Variants in CSNK1G3 observed in about 807,000 individuals in gnomAD.
CSNK1G3 encodes casein kinase I isoform gamma-3.
A neutral mutation model predicts 64.3 loss-of-function variants in CSNK1G3; 23 were observed. The observed-to-expected ratio is 0.36, with a 90% confidence interval of 0.26 to 0.51. The LOEUF (loss-of-function observed/expected upper bound fraction) is 0.51. CSNK1G3 is among the 20% of genes least tolerant of loss of function. The probability of loss-of-function intolerance (pLI) is 0.96; values close to 1 mark genes in which losing one functional copy is unlikely to be tolerated. For synonymous variants in CSNK1G3, 158 were observed against 162.2 expected (o/e 0.97, Z 0.20); for missense variants, 357 against 510.5 (o/e 0.70, Z 2.90).
At chr5:123,556,936 G>A (rs1784754891) in intron 3 of CSNK1G3, among the ~76,000 whole-genome samples, 1 of 152,058 alleles carries the variant, frequency 6.6e-6, no homozygotes, top group Non-Finnish European at 1.5e-5. Context: ...AAAAAGGTAT[G>A]ATGGAAATGT....
At chr5:123,596,099 G>C (rs1459357048) in intron 10 of CSNK1G3, among the ~76,000 whole-genome samples, 1 of 151,738 alleles carries the variant, frequency 6.6e-6, no homozygotes, top group Admixed American at 6.6e-5. Flanking sequence ...CTTGATTTGA[G>C]TTCTAAAAAT....
Position 123,573,555 on chromosome 5 carries a change from G to A in CSNK1G3, c.438+14G>A, listed in dbSNP as rs1315309434. On this transcript the variant is annotated intron_variant, in intron 5 of 12. Transcript: ENST00000345990. ...GCTATACAACTGGTAAGTAAAATAA[G>A]GTATTTGAAGTTGTTTGAACAATTA... 5 of 1,573,440 alleles carry A rather than the reference G, an allele frequency of 3.2e-6. No homozygotes were observed. Among genetic ancestry groups the A allele is most frequent in the African/African-American group, 1.4e-5 (1 of 72,896 alleles).
intron 12 of CSNK1G3, among the ~76,000 whole-genome samples, chr5:123,613,164 G>T (rs1748749326): frequency 6.6e-6 from 1 of 151,920 alleles, no homozygotes. Flanking sequence ...AGGCATTTAA[G>T]ATAGATGTGT....
chr5:123,615,442 A>G (rs1413239248), exon 13 of CSNK1G3: 2 of 152,558 alleles, frequency 1.3e-5, no homozygotes, highest in African/African-American at 4.8e-5. Flanking sequence ...GGGTCACTCT[A>G]TGCCCTCTGT....
chr5:123,520,416 T>C (rs888739094), intron 1 of CSNK1G3, among the ~76,000 whole-genome samples: 2 of 152,008 alleles, frequency 1.3e-5, no homozygotes, highest in Non-Finnish European at 2.9e-5. Context: ...TTTACTTCTC[T>C]ATATTGTTTG....
intron 6 of CSNK1G3, among the ~76,000 whole-genome samples, chr5:123,580,182 T>C (rs7736607): frequency 0.02 from 3,056 of 152,018 alleles, 110 homozygotes; most frequent in African/African-American, 0.07. Context: ...TGGTGATTAC[T>C]TTTAAAGCCT....
intron 1 of CSNK1G3, among the ~76,000 whole-genome samples, chr5:123,534,408 T>C (rs1466854724): frequency 2.0e-5 from 3 of 152,060 alleles, no homozygotes; most frequent in Non-Finnish European, 4.4e-5. Context: ...AATTGGTGTG[T>C]TGGAGCAGGA....
Position 123,575,609 on chromosome 5 carries a change from G to C in CSNK1G3, c.439-120G>C, listed in dbSNP as rs1789011619. ...GCTGACATCATTTTACTTTTAAAGG[G>C]TTGAAACAATTTCTGATTTATTTCT... On this transcript the variant is annotated intron_variant, in intron 5 of 12. Coordinates refer to ENST00000345990, the Ensembl canonical transcript of CSNK1G3. The C allele has an allele frequency of 6.8e-5, 44 of 650,300 alleles. No individual in the cohort carries two copies. The South Asian group carries it at 8.8e-4, about 13-fold the overall frequency. The allele number at this position is 650,300 out of a possible 1,614,324, so 40.3% of individuals were successfully genotyped here.
intron 1 of CSNK1G3, among the ~76,000 whole-genome samples, chr5:123,542,289 G>A (rs1024149725): frequency 6.6e-6 from 1 of 151,956 alleles, no homozygotes; most frequent in Non-Finnish European, 1.5e-5. Flanking sequence ...AAACAGTGTC[G>A]TTCCATTTAC....
At chr5:123,601,582 A>G (rs185403254) in intron 10 of CSNK1G3, among the ~76,000 whole-genome samples, 112 of 152,212 alleles carry the variant, frequency 7.4e-4, no homozygotes, top group Non-Finnish European at 1.4e-3. Flanking sequence ...TCAGGTATAA[A>G]AAGTCTTCCT....
At chr5:123,586,106 G>A (rs1791275857) in intron 6 of CSNK1G3, among the ~76,000 whole-genome samples, 1 of 152,154 alleles carries the variant, frequency 6.6e-6, no homozygotes, top group Non-Finnish European at 1.5e-5. Flanking sequence ...AAAGTAATGA[G>A]CTATGGTTGC....
exon 6 of CSNK1G3, chr5:123,575,932 A>G: frequency 6.2e-7 from 1 of 1,612,188 alleles, no homozygotes; most frequent in Non-Finnish European, 8.5e-7. Flanking sequence ...GAACAGCTAG[A>G]TATATGAGCA....
At chr5:123,552,318 G>C (rs932010942) in intron 2 of CSNK1G3, among the ~76,000 whole-genome samples, 3 of 151,810 alleles carry the variant, frequency 2.0e-5, no homozygotes, top group Non-Finnish European at 2.9e-5. Context: ...TCTAATTTTT[G>C]TATTTTTAGT....
intron 2 of CSNK1G3, among the ~76,000 whole-genome samples, chr5:123,547,439 A>T (rs1033169048): frequency 6.6e-6 from 1 of 152,094 alleles, no homozygotes; most frequent in Non-Finnish European, 1.5e-5. Flanking sequence ...ACATGTATAT[A>T]GGTATGTGTC....
At chr5:123,579,814 C>A (rs1157004945) in intron 6 of CSNK1G3, among the ~76,000 whole-genome samples, 1 of 151,920 alleles carries the variant, frequency 6.6e-6, no homozygotes, top group Non-Finnish European at 1.5e-5. Context: ...ACAACGAATG[C>A]TTAATGTTTA....
At chr5:123,530,720 A>G (rs1779780752) in intron 1 of CSNK1G3, among the ~76,000 whole-genome samples, 1 of 152,238 alleles carries the variant, frequency 6.6e-6, no homozygotes, top group Admixed American at 6.5e-5. Context: ...ATGTACAAAG[A>G]TATCACTGAA....
intron 12 of CSNK1G3, among the ~76,000 whole-genome samples, chr5:123,607,428 A>G (rs1291672918): frequency 6.6e-6 from 1 of 152,186 alleles, no homozygotes; most frequent in East Asian, 1.9e-4. Flanking sequence ...ATACCCATAC[A>G]ATGGACTGCC....
At chr5:123,610,992 A>G (rs1796238815) in intron 12 of CSNK1G3, among the ~76,000 whole-genome samples, 1 of 152,198 alleles carries the variant, frequency 6.6e-6, no homozygotes, top group South Asian at 2.1e-4. Flanking sequence ...ATAAATAAAT[A>G]AAATAATTTC....
chr5:123,550,652 G>T (rs1783455185), intron 2 of CSNK1G3, among the ~76,000 whole-genome samples: 1 of 152,142 alleles, frequency 6.6e-6, no homozygotes, highest in Non-Finnish European at 1.5e-5. Flanking sequence ...GTTTAATATG[G>T]CACAATGCTT....
Sources: gnomAD v4.1 joint callset for allele counts (sites outside exome capture counted in the v4.1 genomes callset) on GRCh38, gnomAD v4.1.1 for gene constraint, MANE v1.5 for transcripts, NCBI Gene and HGNC (gene_info 2026-07-23, HGNC 2026-07-21) for gene names.